C2: variants seen among roughly 807,000 people sequenced by gnomAD.
C2 encodes complement C2, also known as C3/C5 convertase.
In C2, 64 loss-of-function variants were observed where a neutral mutation model predicts 85.2. The observed-to-expected ratio is 0.75, with a 90% CI of 0.61 to 0.92. C2 has a LOEUF of 0.92. Among genes scored for constraint, C2 ranks in the 40% least tolerant of loss-of-function variants. The probability of loss-of-function intolerance (pLI) is 0.00; values close to 1 mark genes in which losing one functional copy is unlikely to be tolerated. For synonymous variants in C2, 311 were observed against 370.8 expected (o/e 0.84, Z 1.85); for missense variants, 820 against 971.6 (o/e 0.84, Z 2.07).
At chr6:31,905,307 A>G (rs1405502937) in intron 1 of C2, among the ~76,000 whole-genome samples, 1 of 151,776 alleles carries the variant, frequency 6.6e-6, no homozygotes, top group Non-Finnish European at 1.5e-5. Context: ...GATGGTGTGT[A>G]TGTGCTTGGG....
chr6:31,943,374 C>T lies in C2; in HGVS notation c.1456-42C>T. 6.2e-7 allele frequency: 1 copy of T among 1,609,410 alleles called. No individual in the cohort carries two copies. The highest frequency in any genetic ancestry group is 8.5e-7 in the Non-Finnish European group (1 of 1,176,704). ...TCCAGAGGTAAAAGCGGCCATGGGC[C>T]AGACATACTGCAATCTCTGAAAATC... On this transcript the variant is annotated intron_variant, in intron 11 of 17. Transcript: ENST00000299367. The surrounding 1 kb of genome is among the most constrained non-coding windows in gnomAD (Gnocchi z 6.4).
At chr6:31,932,954 C>A (rs1770034235) in intron 3 of C2, among the ~76,000 whole-genome samples, 1 of 152,254 alleles carries the variant, frequency 6.6e-6, no homozygotes, top group Non-Finnish European at 1.5e-5. Context: ...TCTCCACTAA[C>A]AAAATACGAA....
upstream of C2, among the ~76,000 whole-genome samples, chr6:31,924,438 C>G (rs1301402891): frequency 1.3e-5 from 2 of 152,106 alleles, no homozygotes; most frequent in African/African-American, 4.8e-5. Flanking sequence ...GGTGGCTGTT[C>G]CAGAGTCCAC....
intron 1 of C2, chr6:31,901,418 C>G: frequency 1.7e-6 from 2 of 1,184,694 alleles, no homozygotes; most frequent in South Asian, 1.6e-5. Context: ...CCCAGCCCCC[C>G]GGCATCCGAT....
chr6:31,936,351 C>T, intron 7 of C2: 2 of 463,962 alleles, frequency 4.3e-6, no homozygotes, highest in South Asian at 2.0e-5. Flanking sequence ...ACTGCCATCT[C>T]CCCATGTCAT....
At chr6:31,899,873 C>G (rs1767065009), upstream of C2, 1 of 1,507,016 alleles carries the variant, frequency 6.6e-7, no homozygotes, top group Non-Finnish European at 8.8e-7. Flanking sequence ...CCAAAGAGCC[C>G]TTTTTCCACG....
chr6:31,915,127 T>G (rs1337672980), upstream of C2, among the ~76,000 whole-genome samples: 1 of 152,200 alleles, frequency 6.6e-6, no homozygotes, highest in Non-Finnish European at 1.5e-5. Flanking sequence ...TTCCAGCCCC[T>G]ACATACTGAT....
chr6:31,928,677 G>A (rs1053373227), intron 2 of C2, 55 bp from the exon 3 acceptor site: 2 of 1,566,104 alleles, frequency 1.3e-6, no homozygotes, highest in South Asian at 1.1e-5. Context: ...TTAATCCCCA[G>A]CCCAGGTGTT....
chr6:31,902,936 C>T lies in C2; in HGVS notation c.73+1797C>T, dbSNP rs1163483276. Among the ~76,000 whole-genome samples the T allele has an allele frequency of 3.3e-5, 5 of 152,144 alleles. No homozygotes were observed. In the East Asian group the frequency reaches 7.7e-4, roughly 23 times the overall value. ...TCTAATCTTCCACCGCTCCGTCCCC[C>T]TTATTCCTCACCTCTCCTCCAGACT... On this transcript the variant is annotated intron_variant, in intron 1 of 3. Transcript: ENST00000452202.
upstream of C2, among the ~76,000 whole-genome samples, chr6:31,916,558 CAA>C (rs9279453): frequency 2.1e-3 from 169 of 81,040 alleles, no homozygotes; most frequent in South Asian, 0.014. Context: ...GACTCCGTCT[CAA>C]AAAAAAAAAA....
chr6:31,897,791 C>T (rs1413918538), upstream of C2: 3 of 982,160 alleles, frequency 3.1e-6, no homozygotes, highest in African/African-American at 3.5e-5. Flanking sequence ...TGGCCATTTT[C>T]CCCTGAGAGC....
At chr6:31,934,629 G>A in intron 6 of C2, 1 of 1,365,130 alleles carries the variant, frequency 7.3e-7, no homozygotes. Context: ...AAATACTGGT[G>A]CCCCTGTGGA....
chr6:31,899,186 G>A (rs1766975346), upstream of C2, among the ~76,000 whole-genome samples: 1 of 151,472 alleles, frequency 6.6e-6, no homozygotes, highest in Admixed American at 6.6e-5. Flanking sequence ...AATACTGTAT[G>A]TCTCTACTCC....
intron 1 of C2, among the ~76,000 whole-genome samples, chr6:31,903,284 A>G (rs1393750935): frequency 2.6e-5 from 4 of 152,234 alleles, no homozygotes; most frequent in Non-Finnish European, 5.9e-5. Flanking sequence ...CCATTAGACT[A>G]TAAACTTCTT....
Position 31,934,260 on chromosome 6 carries a change from T to A in C2, c.810T>A (p.Phe270Leu). Residue 270 changes from phenylalanine (F) to leucine (L), a missense_variant, in exon 6 of 18, where the codon TTT becomes TTA. Phe to Leu is a conservative substitution (Grantham distance 22). Transcript: ENST00000299367. ...CGCAGAGTGTGTCGGAAAATGACTTTCTCATCTTCAAGGAGAGCGCCTCCC... is the reference window on the plus strand; with the variant it reads ...CGCAGAGTGTGTCGGAAAATGACTTACTCATCTTCAAGGAGAGCGCCTCCC... ...DCSQSVSEND[F>L]LIFKESASLM... 1 of 1,614,066 alleles carries A rather than the reference T, an allele frequency of 6.2e-7. No homozygotes were observed. Among genetic ancestry groups the A allele is most frequent in the Admixed American group, 1.7e-5 (1 of 60,010 alleles).
chr6:31,931,192 A>C (rs1439756708), intron 3 of C2, among the ~76,000 whole-genome samples: 1 of 150,448 alleles, frequency 6.6e-6, no homozygotes, highest in Non-Finnish European at 1.5e-5. Context: ...CAATTTATCC[A>C]TTCCCCTCCT....
chr6:31,901,266 C>T (rs761508949), intron 1 of C2: 1 of 1,612,472 alleles, frequency 6.2e-7, no homozygotes. Flanking sequence ...GCCTCGTGGC[C>T]GGGCAGCTGG....
chr6:31,927,625 G>A, upstream of C2: 1 of 1,602,396 alleles, frequency 6.2e-7, no homozygotes, highest in Non-Finnish European at 8.5e-7. The surrounding 1 kb of genome is among the most constrained non-coding windows in gnomAD (Gnocchi z 4.7). Flanking sequence ...CATCCCCCTT[G>A]CCACTCCCTG....
chr6:31,900,375 G>C (rs1475541892), upstream of C2: 18 of 1,542,574 alleles, frequency 1.2e-5, no homozygotes, highest in Admixed American at 2.7e-4. This position sits in a 1 kb window ranked among gnomAD's most constrained non-coding sequence, Gnocchi z 9.7. Context: ...CCCGCCCCCA[G>C]GCTGCCCCCC....
Sources: gnomAD v4.1 joint callset for allele counts (sites outside exome capture counted in the v4.1 genomes callset) on GRCh38, gnomAD v4.1.1 for gene constraint, Gnocchi (gnomAD v3.1) non-coding constraint, MANE v1.5 for transcripts, NCBI Gene and HGNC (gene_info 2026-07-23, HGNC 2026-07-21) for gene names.